PDE4D: variants seen among roughly 807,000 people sequenced by gnomAD.
The protein encoded by PDE4D is 3',5'-cyclic-AMP phosphodiesterase 4D.
In PDE4D, 24 loss-of-function variants were observed where a neutral mutation model predicts 87.4. That is an observed-to-expected ratio of 0.27 (90% CI 0.20 to 0.39). The LOEUF is 0.39. Among genes scored for constraint, PDE4D ranks in the 10% least tolerant of loss-of-function variants. The pLI, the probability that PDE4D is intolerant of heterozygous loss-of-function variation, is 1.00. For missense variants in PDE4D, 714 were observed against 1,041.0 expected, an observed-to-expected ratio of 0.69 and a Z score of 4.32; for synonymous variants, 384 against 383.2, an observed-to-expected ratio of 1.00 and a Z score of -0.02.
chr5:59,466,752 A>G (rs1364798642), intron 1 of PDE4D, among the ~76,000 whole-genome samples: 1 of 152,236 alleles, frequency 6.6e-6, no homozygotes, highest in Non-Finnish European at 1.5e-5. Flanking sequence ...AAAACTTGAA[A>G]TATGATCAAT....
At chr5:59,887,820 A>G (rs1750389151) in intron 1 of PDE4D, among the ~76,000 whole-genome samples, 1 of 152,156 alleles carries the variant, frequency 6.6e-6, no homozygotes, top group African/African-American at 2.4e-5. Flanking sequence ...TCTTGTGCCA[A>G]TATTTGAATA....
At chr5:59,531,112 TTCATCCTAAA>T (rs1333582728) in intron 1 of PDE4D, among the ~76,000 whole-genome samples, 1 of 152,224 alleles carries the variant, frequency 6.6e-6, no homozygotes, top group African/African-American at 2.4e-5. Context: ...GTTTTGAAAC[TTCATCCTAAA>T]TCATCACACA....
At chr5:60,121,350 A>G (rs1415775320) in intron 2 of PDE4D, among the ~76,000 whole-genome samples, 1 of 152,078 alleles carries the variant, frequency 6.6e-6, no homozygotes, top group Admixed American at 6.6e-5. Context: ...AATTATTTCT[A>G]ACTCATAGAA....
chr5:59,413,318 C>G (rs527396725), intron 1 of PDE4D, among the ~76,000 whole-genome samples: 1 of 151,830 alleles, frequency 6.6e-6, no homozygotes, highest in Admixed American at 6.6e-5. Context: ...ATTAGCCGGG[C>G]GTAGTGGTGG....
At chr5:59,023,100 G>A (rs1755516622) in intron 6 of PDE4D, among the ~76,000 whole-genome samples, 1 of 151,726 alleles carries the variant, frequency 6.6e-6, no homozygotes, top group African/African-American at 2.4e-5. Context: ...GCTTGAACCT[G>A]GGAGGAGAAG....
At chr5:59,939,655 TGAG>T (rs745865040) in intron 3 of PDE4D, among the ~76,000 whole-genome samples, 2 of 151,422 alleles carry the variant, frequency 1.3e-5, no homozygotes, top group Non-Finnish European at 2.9e-5. Flanking sequence ...CTGGCAGGGG[TGAG>T]GAGAAGAGTA....
At chr5:59,728,603 G>A (rs1471751266) in intron 1 of PDE4D, among the ~76,000 whole-genome samples, 1 of 151,970 alleles carries the variant, frequency 6.6e-6, no homozygotes, top group African/African-American at 2.4e-5. Flanking sequence ...TTAATAGCCT[G>A]GCCAGCTGTC....
chr5:59,296,417 A>T (rs6891161), intron 1 of PDE4D, among the ~76,000 whole-genome samples: 45,980 of 120,052 alleles, frequency 0.38, 7,434 homozygotes, highest in Admixed American at 0.51. Context: ...CCAATTTATT[A>T]AAAAAAAAAT....
intron 5 of PDE4D, among the ~76,000 whole-genome samples, chr5:59,145,354 G>A (rs2153457324): frequency 6.6e-6 from 1 of 152,220 alleles, no homozygotes; most frequent in Admixed American, 6.5e-5. Context: ...CTGGTTCTTG[G>A]TGCTTCTCTG....
At chr5:59,507,349 A>G (rs550130467) in intron 1 of PDE4D, among the ~76,000 whole-genome samples, 2 of 152,220 alleles carry the variant, frequency 1.3e-5, no homozygotes, top group Admixed American at 1.3e-4. Flanking sequence ...ACAAAACAAA[A>G]CAAAACAAAA....
chr5:60,014,272 C>T (rs1458156744), intron 2 of PDE4D, among the ~76,000 whole-genome samples: 2 of 152,026 alleles, frequency 1.3e-5, no homozygotes, highest in African/African-American at 2.4e-5. Flanking sequence ...ACGTAAGTGA[C>T]CTACCTAATC....
At chr5:59,964,163 G>A (rs975121118) in intron 3 of PDE4D, among the ~76,000 whole-genome samples, 4 of 152,140 alleles carry the variant, frequency 2.6e-5, no homozygotes, top group Non-Finnish European at 4.4e-5. Context: ...GACAACTGAA[G>A]TGTCCATTGA....
chr5:59,090,985 G>A (rs10075104), intron 5 of PDE4D: 242,192 of 378,194 alleles, frequency 0.64, 78,372 homozygotes, highest in East Asian at 0.8. Context: ...AGGGTGCTCA[G>A]AAATGCTGTT....
chr5:59,931,712 T>TC (rs1554116044), intron 3 of PDE4D, among the ~76,000 whole-genome samples: 8 of 147,380 alleles, frequency 5.4e-5, no homozygotes, highest in East Asian at 1.9e-4. Context: ...TTTTTTTTTT[T>TC]CTTTTTTGAG....
intron 1 of PDE4D, among the ~76,000 whole-genome samples, chr5:59,343,503 G>A (rs575408442): frequency 3.9e-5 from 6 of 152,124 alleles, no homozygotes; most frequent in African/African-American, 1.4e-4. Context: ...ACCAACCCCT[G>A]GTTAAAACAA....
intron 6 of PDE4D, among the ~76,000 whole-genome samples, chr5:59,031,383 ATATATATAT>A (rs1233941023): frequency 0.16 from 9,854 of 61,600 alleles, 440 homozygotes; most frequent in African/African-American, 0.26. Flanking sequence ...ATATATATAT[ATATATATAT>A]TATATATATA....
intron 2 of PDE4D, among the ~76,000 whole-genome samples, chr5:59,197,196 TGC>T (rs1376030968): frequency 6.6e-6 from 1 of 152,224 alleles, no homozygotes; most frequent in African/African-American, 2.4e-5. Flanking sequence ...TCAAAAGGGT[TGC>T]ATATTTATTA....
chr5:60,000,971 A>G (rs1178404476), intron 2 of PDE4D, among the ~76,000 whole-genome samples: 1 of 152,112 alleles, frequency 6.6e-6, no homozygotes, highest in East Asian at 1.9e-4. Flanking sequence ...AGATGGCCCT[A>G]TAACTTTGCT....
At chr5:60,145,834 T>C (rs1390771985) in intron 2 of PDE4D, among the ~76,000 whole-genome samples, 1 of 152,212 alleles carries the variant, frequency 6.6e-6, no homozygotes, top group Non-Finnish European at 1.5e-5. Flanking sequence ...GAAATCTATC[T>C]AAACATCTTA....
Sources: allele counts gnomAD v4.1 joint callset (sites outside exome capture counted in the v4.1 genomes callset), GRCh38; gene constraint gnomAD v4.1.1; transcripts MANE v1.5; gene names NCBI Gene and HGNC (gene_info 2026-07-23, HGNC 2026-07-21).